Variants in ITSN1 observed in about 807,000 individuals in gnomAD.
ITSN1 encodes intersectin-1.
A neutral mutation model predicts 239.8 loss-of-function variants in ITSN1; 58 were observed. The ratio of observed to expected loss-of-function variants is 0.24; its 90% CI spans 0.20 to 0.30. The LOEUF (loss-of-function observed/expected upper bound fraction) is 0.30. ITSN1 is among the 10% of genes least tolerant of loss of function. ITSN1 has a pLI of 1.00. For synonymous variants in ITSN1, 780 were observed against 770.8 expected, an observed-to-expected ratio of 1.01 and a Z score of -0.20; for missense variants, 1,558 against 2,103.3, an observed-to-expected ratio of 0.74 and a Z score of 5.07.
chr21:33,865,274 C>T lies in ITSN1; in HGVS notation c.4014C>T (p.Asn1338=), dbSNP rs1207077095. 8 of 1,604,848 alleles carry T rather than the reference C, an allele frequency of 5.0e-6. No individual in the cohort carries two copies. The highest frequency in any genetic ancestry group is 6.8e-6 in the Non-Finnish European group (8 of 1,176,036). Residue 1338 remains asparagine, a synonymous_variant, in exon 32 of 40, where the codon AAC becomes AAT. Coordinates refer to ENST00000381318, the MANE Select transcript of ITSN1 (RefSeq NM_003024.3). This position sits in a 1 kb window ranked among gnomAD's most constrained non-coding sequence, Gnocchi z 4.4. ...TCCGCTTCTGCAGCCGCCAGCTCAA[C>T]GGGGCTGCCCTGATCCAGCAGAAGA... ...PYIRFCSRQL[N]GAALIQQKTD... is the part of the protein sequence containing the mutation.
intron 20 of ITSN1, among the ~76,000 whole-genome samples, chr21:33,802,930 T>A (rs1415699774): frequency 1.3e-5 from 2 of 152,212 alleles, no homozygotes; most frequent in South Asian, 2.1e-4. Flanking sequence ...GACCAAGGGT[T>A]ACATAAAGGG....
chr21:33,695,743 C>T (rs1303694384), intron 1 of ITSN1, among the ~76,000 whole-genome samples: 2 of 152,238 alleles, frequency 1.3e-5, no homozygotes, highest in South Asian at 4.1e-4. Context: ...TTTTGGATCT[C>T]AGTGTGTTTG....
At chr21:33,756,243 A>G (rs918116453) in intron 8 of ITSN1, among the ~76,000 whole-genome samples, 1 of 148,884 alleles carries the variant, frequency 6.7e-6, no homozygotes, top group Non-Finnish European at 1.5e-5. Context: ...AGTCAAGATC[A>G]TGCCACTGCA....
At chr21:33,817,204 A>G (rs1459218393) in intron 22 of ITSN1, 1 of 1,282,902 alleles carries the variant, frequency 7.8e-7, no homozygotes, top group Non-Finnish European at 1.0e-6. Flanking sequence ...CTTAAAAGAT[A>G]ATAAATGCCT....
intron 26 of ITSN1, chr21:33,829,202 T>C: frequency 2.7e-6 from 1 of 364,206 alleles, no homozygotes. Flanking sequence ...TTGAGTCCTT[T>C]AGTCACTTCA....
At chr21:33,649,432 C>G (rs1319703189) in intron 1 of ITSN1, among the ~76,000 whole-genome samples, 1 of 152,198 alleles carries the variant, frequency 6.6e-6, no homozygotes, top group Non-Finnish European at 1.5e-5. Context: ...TTTAATGCAT[C>G]ACTGCTCTTT....
intron 1 of ITSN1, among the ~76,000 whole-genome samples, chr21:33,673,413 G>C (rs998402356): frequency 1.3e-5 from 2 of 152,210 alleles, no homozygotes; most frequent in Admixed American, 6.5e-5. Context: ...TATGTGAGGA[G>C]ATGGATGTAT....
At chr21:33,685,495 C>T (rs760979386) in intron 1 of ITSN1, among the ~76,000 whole-genome samples, 7 of 151,780 alleles carry the variant, frequency 4.6e-5, no homozygotes, top group East Asian at 3.9e-4. Flanking sequence ...ACCCCTTCAA[C>T]GCTGTAATAA....
chr21:33,683,575 G>C (rs903828221), intron 1 of ITSN1, among the ~76,000 whole-genome samples: 2 of 152,094 alleles, frequency 1.3e-5, no homozygotes, highest in African/African-American at 4.8e-5. Context: ...CCCTGCTGAG[G>C]TGAATGTGTG....
intron 5 of ITSN1, chr21:33,735,588 G>T: frequency 1.3e-5 from 3 of 223,216 alleles, no homozygotes; most frequent in South Asian, 6.4e-5. Flanking sequence ...CAATTCCTTT[G>T]GATTATGGCA....
chr21:33,856,388 A>C (rs956931727), intron 29 of ITSN1, among the ~76,000 whole-genome samples: 16 of 152,236 alleles, frequency 1.1e-4, no homozygotes, highest in African/African-American at 3.6e-4. Context: ...CCTCACTCTG[A>C]GGGCTCGGGG....
rs970252082 is a variant in ITSN1, at chr21:33,842,812, T to A, written c.3661+6180T>A. Among the ~76,000 whole-genome samples the A allele has an allele frequency of 3.9e-5, 6 of 152,320 alleles. No homozygotes were observed. The East Asian group carries it at 1.2e-3, about 29-fold the overall frequency. ...CTCTTGATGCCGTTTCTCTGAACTC[T>A]GACCCAGGAGAGGGGAGAACACTTT... On this transcript the variant is annotated intron_variant, in intron 29 of 39. Transcript: ENST00000381318.
chr21:33,712,955 G>C (rs897110752), intron 1 of ITSN1, among the ~76,000 whole-genome samples: 15 of 152,236 alleles, frequency 9.9e-5, no homozygotes, highest in Admixed American at 1.3e-4. Flanking sequence ...TCGGTTCACT[G>C]TAACCTCTGC....
chr21:33,838,105 G>C (rs887309126), intron 29 of ITSN1: 1 of 985,696 alleles, frequency 1.0e-6, no homozygotes, highest in Non-Finnish European at 1.2e-6. Flanking sequence ...TGGTCCGTTT[G>C]TGTGTTAGAT....
In ITSN1 at chr21:33,890,780, AGTCT is replaced by A. The variant is rs761801046; in HGVS notation, c.*2485_*2488del. On this transcript the variant is annotated 3_prime_UTR_variant, in exon 40 of 40. Coordinates refer to ENST00000381318, the MANE Select transcript of ITSN1 (RefSeq NM_003024.3). Reference sequence around the variant, plus strand: ...AATTAAATGCTCCTTGCCAACAAGGAGTCTGTCTCCTAGCTCTTTGTTTTCTAAA... The same window carrying A: ...AATTAAATGCTCCTTGCCAACAAGGAGTCTCCTAGCTCTTTGTTTTCTAAA... 2 of 152,216 alleles carry A rather than the reference AGTCT, an allele frequency of 1.3e-5. No individual in the cohort carries two copies. The highest frequency in any genetic ancestry group is 2.9e-5 in the Non-Finnish European group (2 of 68,016). 9.4% of individuals were successfully genotyped at this position (152,216 alleles called of 1,614,324 possible).
Position 33,719,463 on chromosome 21 carries a change from A to G in ITSN1, c.28+607A>G, listed in dbSNP as rs138779531. On this transcript the variant is annotated intron_variant, in intron 2 of 39. Transcript: ENST00000381318. ...CTCTAAATAAACAAACAAACAAACAATACCATATTATTGTACCTGTAAAAT... is the reference window on the plus strand; with the variant it reads ...CTCTAAATAAACAAACAAACAAACAGTACCATATTATTGTACCTGTAAAAT... 1.7e-3 allele frequency among the ~76,000 whole-genome samples: 262 copies of G among 152,188 alleles called. 1 individual carries two copies. The highest frequency in any genetic ancestry group is 5.9e-3 in the African/African-American group (247 of 41,542).
At chr21:33,822,537 A>T (rs2073747809) in intron 24 of ITSN1, among the ~76,000 whole-genome samples, 1 of 152,226 alleles carries the variant, frequency 6.6e-6, no homozygotes, top group Non-Finnish European at 1.5e-5. Flanking sequence ...TAGAACCTCC[A>T]TCCAGGATTT....
chr21:33,711,706 A>G (rs2146964792), intron 1 of ITSN1, among the ~76,000 whole-genome samples: 1 of 150,426 alleles, frequency 6.6e-6, no homozygotes, highest in East Asian at 1.9e-4. Context: ...TAATTGCTCC[A>G]GGTAGTAAAT....
intron 1 of ITSN1, among the ~76,000 whole-genome samples, chr21:33,671,344 A>T (rs2090263900): frequency 6.6e-6 from 1 of 151,970 alleles, no homozygotes; most frequent in African/African-American, 2.4e-5. Flanking sequence ...GCTGGATTGC[A>T]GTGGTGATCT....
Sources: gnomAD v4.1 joint callset for allele counts (sites outside exome capture counted in the v4.1 genomes callset) on GRCh38, gnomAD v4.1.1 for gene constraint, Gnocchi (gnomAD v3.1) non-coding constraint, MANE v1.5 for transcripts, NCBI Gene and HGNC (gene_info 2026-07-23, HGNC 2026-07-21) for gene names.